AMBRA1: variants seen among roughly 807,000 people sequenced by gnomAD.
AMBRA1 encodes the protein autophagy and beclin 1 regulator 1.
In AMBRA1, 47 loss-of-function variants were observed where a neutral mutation model predicts 125.4. That is an observed-to-expected ratio of 0.37 (90% CI 0.30 to 0.48). The LOEUF (loss-of-function observed/expected upper bound fraction) is 0.48, where lower values mean the gene tolerates loss of function less well. Ranked by LOEUF, AMBRA1 falls within the 20% of genes least tolerant of loss-of-function variation. The pLI is 0.99. For missense variants in AMBRA1, 1,331 were observed against 1,693.4 expected (o/e 0.79, Z 3.76); for synonymous variants, 626 against 655.5 (o/e 0.95, Z 0.69).
intron 9 of AMBRA1, chr11:46,495,362 G>C (rs1950594688): frequency 6.6e-6 from 1 of 152,190 alleles, no homozygotes; most frequent in Admixed American, 6.5e-5. Flanking sequence ...TGGACCACTG[G>C]GAACTTCACA....
chr11:46,438,625 A>G (rs971191589), intron 12 of AMBRA1, among the ~76,000 whole-genome samples: 6 of 152,196 alleles, frequency 3.9e-5, no homozygotes, highest in South Asian at 4.1e-4. Context: ...AGGCCTGTAC[A>G]GAGCTCCAGA....
chr11:46,572,706 G>C (rs2043807170), intron 1 of AMBRA1, among the ~76,000 whole-genome samples: 1 of 152,044 alleles, frequency 6.6e-6, no homozygotes, highest in Non-Finnish European at 1.5e-5. Context: ...TCTGAACCAG[G>C]CACTTTACAT....
In AMBRA1 at chr11:46,408,556, C is replaced by A; in HGVS notation, c.3360G>T (p.Arg1120Ser). 1 of 1,598,144 alleles carries A rather than the reference C, an allele frequency of 6.3e-7. No individual in the cohort carries two copies. Among genetic ancestry groups the A allele is most frequent in the Non-Finnish European group, 8.5e-7 (1 of 1,170,804 alleles). The change falls in exon 17 of 18, where the codon AGG (arginine) becomes AGT (serine). Residue 1120 changes from arginine (R) to serine (S), a missense_variant. Physicochemically the swap from Arg to Ser is moderately radical, Grantham distance 110. This residue lies in a region of AMBRA1 where 354 missense variants were observed against 532.7 expected (regional missense o/e 0.66). Coordinates refer to ENST00000683756, the MANE Select transcript of AMBRA1 (RefSeq NM_001387011.1). ...QLQNAETQTE[R>S]EVPEPGTAAS... ...CGGCTGTCCCTGGCTCCGGCACCTC[C>A]CTCTCAGTCTGTGTTTCGGCATTCT...
At chr11:46,442,051 G>A (rs1360941467) in intron 12 of AMBRA1, among the ~76,000 whole-genome samples, 1 of 148,962 alleles carries the variant, frequency 6.7e-6, no homozygotes, top group East Asian at 2.0e-4. Flanking sequence ...GCTCACAGCA[G>A]CCTCGACCTC....
chr11:46,498,469 TA>T (rs1950717743), intron 9 of AMBRA1, among the ~76,000 whole-genome samples: 1 of 151,462 alleles, frequency 6.6e-6, no homozygotes, highest in African/African-American at 2.4e-5. Flanking sequence ...TGGGAAGGAG[TA>T]GGGGGAAAAA....
intron 11 of AMBRA1, among the ~76,000 whole-genome samples, chr11:46,457,901 G>A (rs1359572240): frequency 2.3e-5 from 3 of 130,840 alleles, no homozygotes; most frequent in Non-Finnish European, 4.8e-5. Context: ...GCAAGACTCC[G>A]TTGCAAAAAA....
At chr11:46,430,347 ACT>A (rs1027185988) in intron 14 of AMBRA1, among the ~76,000 whole-genome samples, 1 of 152,176 alleles carries the variant, frequency 6.6e-6, no homozygotes, top group Non-Finnish European at 1.5e-5. Flanking sequence ...CCTGAGACTG[ACT>A]CTGCCTTGCT....
rs556794844 is a variant in AMBRA1, at chr11:46,560,293, T to G, written c.-120-11793A>C. On this transcript the variant is annotated intron_variant, in intron 1 of 17. Coordinates refer to ENST00000683756, the MANE Select transcript of AMBRA1 (RefSeq NM_001387011.1). The stretch of plus-strand genomic sequence containing the variant: ...ATAAGACCGACCTCTGTATAGGATA[T>G]ATCACAAATGGGCTAACAATTTTAC... 9.8e-5 allele frequency among the ~76,000 whole-genome samples: 15 copies of G among 152,324 alleles called. No homozygotes were observed. The South Asian group carries it at 2.1e-3, about 21-fold the overall frequency.
chr11:46,587,735 C>T (rs976608836), intron 1 of AMBRA1, among the ~76,000 whole-genome samples: 4 of 152,102 alleles, frequency 2.6e-5, no homozygotes, highest in African/African-American at 9.7e-5. Context: ...TATCAAATAC[C>T]TATACTCCCC....
In AMBRA1 at chr11:46,412,821, G is replaced by C. The variant is rs139551376; in HGVS notation, c.3117-2453C>G. Among the ~76,000 whole-genome samples the C allele has an allele frequency of 3.5e-3, 531 of 152,310 alleles. 3 individuals carry two copies. The highest frequency in any genetic ancestry group is 0.012 in the African/African-American group (518 of 41,554). On this transcript the variant is annotated intron_variant, in intron 15 of 17. Transcript: ENST00000683756. ...TTATGCAAGAGGTAAATGGCCAGAA[G>C]TAACAGCAGAGGCCTCCAAAAACAA... is the stretch of plus-strand genomic sequence containing the variant.
At chr11:46,447,239 G>A (rs146041322) in intron 11 of AMBRA1, among the ~76,000 whole-genome samples, 7 of 147,540 alleles carry the variant, frequency 4.7e-5, no homozygotes, top group Non-Finnish European at 1.0e-4. Flanking sequence ...GACTCTTATC[G>A]CAAAAAAAAA....
intron 1 of AMBRA1, among the ~76,000 whole-genome samples, chr11:46,582,934 CAA>C (rs568866275): frequency 5.1e-5 from 7 of 136,650 alleles, no homozygotes; most frequent in Non-Finnish European, 1.6e-5. Flanking sequence ...TTTCATAACT[CAA>C]AAAAAAAAAA....
At chr11:46,592,661 G>A (rs1352275186) in intron 1 of AMBRA1, among the ~76,000 whole-genome samples, 3 of 152,068 alleles carry the variant, frequency 2.0e-5, no homozygotes, top group Non-Finnish European at 4.4e-5. Context: ...GGGAGTCTGA[G>A]GCAGGGGAAT....
chr11:46,536,349 A>G (rs2135147152), intron 7 of AMBRA1, among the ~76,000 whole-genome samples: 1 of 152,346 alleles, frequency 6.6e-6, no homozygotes, highest in Non-Finnish European at 1.5e-5. Flanking sequence ...TATCTAGTAC[A>G]CATGCAACAA....
At chr11:46,579,042 C>CAAAAAAAAA (rs1458414244) in intron 1 of AMBRA1, among the ~76,000 whole-genome samples, 1 of 39,866 alleles carries the variant, frequency 2.5e-5, no homozygotes, top group African/African-American at 1.3e-4. Flanking sequence ...CACAAGAAAG[C>CAAAAAAAAA]AATAAAAAAA....
intron 14 of AMBRA1, among the ~76,000 whole-genome samples, chr11:46,421,334 T>G (rs1946842886): frequency 1.3e-5 from 2 of 152,342 alleles, no homozygotes; most frequent in East Asian, 1.9e-4. Context: ...AGTTCTCAAG[T>G]GCACATCTCT....
At chr11:46,425,062 C>T (rs1023398095) in intron 14 of AMBRA1, among the ~76,000 whole-genome samples, 2 of 151,906 alleles carry the variant, frequency 1.3e-5, no homozygotes, top group Admixed American at 6.6e-5. Context: ...TGAACCCGGG[C>T]GGCAGAGGTT....
At chr11:46,516,423 C>CTTT (rs1162985350) in intron 7 of AMBRA1, among the ~76,000 whole-genome samples, 1,059 of 73,196 alleles carry the variant, frequency 0.014, 63 homozygotes, top group Non-Finnish European at 0.02. Context: ...AAAGATCTTT[C>CTTT]TTTTTTTTTT....
At chr11:46,581,016 A>G (rs367572501) in intron 1 of AMBRA1, among the ~76,000 whole-genome samples, 41 of 151,398 alleles carry the variant, frequency 2.7e-4, no homozygotes, top group African/African-American at 8.5e-4. Context: ...CTGGTCTCAA[A>G]CTCCTGAGCT....
Sources: allele counts gnomAD v4.1 joint callset (sites outside exome capture counted in the v4.1 genomes callset), GRCh38; gene constraint gnomAD v4.1.1; regional missense constraint gnomAD v4.1.1; transcripts MANE v1.5; gene names NCBI Gene and HGNC (gene_info 2026-07-23, HGNC 2026-07-21).